Variants in RPL13A observed in about 807,000 individuals in gnomAD.
RPL13A encodes the protein large ribosomal subunit protein uL13.
In RPL13A, 4 loss-of-function variants were observed where a neutral mutation model predicts 30.8. The observed-to-expected ratio is 0.13, with a 90% CI of 0.06 to 0.30. The LOEUF (loss-of-function observed/expected upper bound fraction) is 0.30, where lower values mean the gene tolerates loss of function less well. Among genes scored for constraint, RPL13A ranks in the 10% least tolerant of loss-of-function variants. The pLI, the probability that RPL13A is intolerant of heterozygous loss-of-function variation, is 1.00. For missense variants in RPL13A, 196 were observed against 272.6 expected (o/e 0.72, Z 1.98); for synonymous variants, 108 against 104.2 (o/e 1.04, Z -0.22).
chr19:49,491,805 T>A lies in RPL13A; in HGVS notation c.602T>A (p.Leu201His), dbSNP rs139084149. ...KYTEVLKTHG[L>H]LV ...ACAGAGGTCCTCAAGACCCACGGAC[T>A]CCTGGTCTGAGCCCAATAAAGACTG... The change falls in exon 8 of 8, where the codon CTC (leucine) becomes CAC (histidine). Residue 201 changes from leucine (L) to histidine (H), a missense_variant. Transcript: ENST00000391857. 59 of 1,606,668 alleles carry A rather than the reference T, an allele frequency of 3.7e-5. No individual in the cohort carries two copies. Among genetic ancestry groups the A allele is most frequent in the Non-Finnish European group, 4.8e-5 (56 of 1,176,378 alleles).
chr19:49,491,000 G>C, intron 5 of RPL13A, 40 bp from the exon 6 acceptor site: 1 of 1,613,432 alleles, frequency 6.2e-7, no homozygotes, highest in Non-Finnish European at 8.5e-7. Flanking sequence ...TTCCCTGTCT[G>C]TCCCTCCCGG....
intron 1 of RPL13A, 126 bp downstream of exon 1, chr19:49,487,770 CT>C: frequency 9.7e-7 from 1 of 1,027,790 alleles, no homozygotes; most frequent in Non-Finnish European, 1.4e-6. Flanking sequence ...AAATGGAAGT[CT>C]TTTGGGATAA....
Position 49,491,113 on chromosome 19 carries a change from T to TA in RPL13A, c.402+15dup, listed in dbSNP as rs1424667329. On this transcript the variant is annotated intron_variant, in intron 6 of 7. Transcript: ENST00000391857. The stretch of plus-strand genomic sequence containing the variant: ...CCTACAAGAAAGGTGAGTCCCAGCT[T>TA]ACGCTGCACCATCTACTTGGGAGAT... The TA allele has an allele frequency of 5.0e-6, 8 of 1,613,924 alleles. No homozygotes were observed. The African/African-American group carries it at 5.3e-5, about 11-fold the overall frequency.
intron 1 of RPL13A, among the ~76,000 whole-genome samples, chr19:49,488,236 G>A (rs2079828150): frequency 6.6e-6 from 1 of 152,134 alleles, no homozygotes; most frequent in Non-Finnish European, 1.5e-5. Flanking sequence ...ATTGGCGATT[G>A]TCCTGAGGCG....
intron 1 of RPL13A, among the ~76,000 whole-genome samples, chr19:49,488,252 C>A (rs2079828240): frequency 6.6e-6 from 1 of 152,144 alleles, no homozygotes; most frequent in South Asian, 2.1e-4. Flanking sequence ...AGGCGTGTTA[C>A]TGGAAGTCGA....
intron 1 of RPL13A, among the ~76,000 whole-genome samples, chr19:49,488,467 C>T (rs1306831353): frequency 6.6e-6 from 1 of 152,234 alleles, no homozygotes. Flanking sequence ...AAGCATGTGT[C>T]TTTGTGCCTA....
chr19:49,491,400 T>TCCCCCC (rs1555806959), intron 6 of RPL13A, 25 bp from the exon 7 acceptor site: 27 of 977,634 alleles, frequency 2.8e-5, no homozygotes, highest in South Asian at 1.2e-4. Context: ...CTTCATTTGT[T>TCCCCCC]CACCCCCCCC....
chr19:49,489,055 C>A (rs904959823), intron 1 of RPL13A, among the ~76,000 whole-genome samples: 1 of 152,190 alleles, frequency 6.6e-6, no homozygotes, highest in Non-Finnish European at 1.5e-5. Flanking sequence ...AGCAGTTTAC[C>A]GGGGAAAGCA....
intron 2 of RPL13A, 57 bp from the exon 3 acceptor site, chr19:49,490,175 A>C (rs1401169657): frequency 1.3e-6 from 2 of 1,513,456 alleles, no homozygotes; most frequent in African/African-American, 2.7e-5. Context: ...GTGACTGCAT[A>C]GGCAGTGGTG....
rs1351371491 is a variant in RPL13A, at chr19:49,491,567, C to G, written c.525+20C>G. 1.9e-6 allele frequency: 3 copies of G among 1,552,864 alleles called. No homozygotes were observed. The highest frequency in any genetic ancestry group is 1.9e-5 in the Admixed American group (1 of 52,064). On this transcript the variant is annotated intron_variant, in intron 7 of 7. Transcript: ENST00000391857. ...CTCATGGTGAGGCCAGGGGCTGGTG[C>G]TGAGGGGGGCATCTCACTCCTGGAC... is the stretch of plus-strand genomic sequence containing the variant.
intron 6 of RPL13A, 133 bp downstream of exon 6, chr19:49,491,232 A>G (rs1193895851): frequency 8.0e-7 from 1 of 1,252,642 alleles, no homozygotes; most frequent in African/African-American, 1.5e-5. Context: ...GAATGGCGAC[A>G]ATGCCAATGG....
Position 49,491,842 on chromosome 19 carries a change from T to G in RPL13A, c.*27T>G. 1 of 1,542,620 alleles carries G rather than the reference T, an allele frequency of 6.5e-7. No individual in the cohort carries two copies. The highest frequency in any genetic ancestry group is 1.3e-5 in the African/African-American group (1 of 74,096). On this transcript the variant is annotated 3_prime_UTR_variant, in exon 8 of 8. Coordinates refer to ENST00000391857, the MANE Select transcript of RPL13A (RefSeq NM_012423.4). ...CCCAATAAAGACTGTTAATTCCTCA[T>G]GCGTTGCCTGCCCTTCCTCCATTGT...
At chr19:49,488,166 G>A (rs1044908493) in intron 1 of RPL13A, among the ~76,000 whole-genome samples, 1 of 152,174 alleles carries the variant, frequency 6.6e-6, no homozygotes, top group Admixed American at 6.6e-5. Context: ...TTCTGCGGGG[G>A]GTCGAGAGCT....
intron 2 of RPL13A, 41 bp from the exon 3 acceptor site, chr19:49,490,191 C>T (rs765432618): frequency 6.9e-6 from 11 of 1,599,186 alleles, no homozygotes; most frequent in East Asian, 6.7e-5. Flanking sequence ...TGGTGGGACC[C>T]TCAGGCGGCT....
intron 1 of RPL13A, 28 bp downstream of exon 1, chr19:49,487,672 C>A: frequency 6.6e-7 from 1 of 1,517,096 alleles, no homozygotes; most frequent in Non-Finnish European, 8.8e-7. Context: ...GCCGGGGCGG[C>A]AAGGGGCCGG....
In RPL13A at chr19:49,490,884, A is replaced by G. The variant is rs2079860048; in HGVS notation, c.342+20A>G. 2.5e-6 allele frequency: 4 copies of G among 1,613,748 alleles called. No individual in the cohort carries two copies. In the South Asian group the frequency reaches 4.4e-5, roughly 18 times the overall value. On this transcript the variant is annotated intron_variant, in intron 5 of 7. Coordinates refer to ENST00000391857, the MANE Select transcript of RPL13A (RefSeq NM_012423.4). Reference sequence around the variant, plus strand: ...GACAAGGTGAGCTATGCCAAACCCCACAGGCAGCGGCCTTACCTGTGGCGT... The same window carrying G: ...GACAAGGTGAGCTATGCCAAACCCCGCAGGCAGCGGCCTTACCTGTGGCGT...
chr19:49,489,810 T>C (rs1034322137), intron 1 of RPL13A, 40 bp from the exon 2 acceptor site: 2 of 1,495,166 alleles, frequency 1.3e-6, no homozygotes, highest in Admixed American at 3.4e-5. Flanking sequence ...AATCAAAGGC[T>C]GTCCTTGTCT....
intron 1 of RPL13A, 26 bp downstream of exon 1, chr19:49,487,670 G>T (rs1271192029): frequency 1.3e-6 from 2 of 1,519,740 alleles, no homozygotes; most frequent in East Asian, 2.5e-5. Context: ...GGGCCGGGGC[G>T]GCAAGGGGCC....
At chr19:49,487,772 T>C (rs1312352608) in intron 1 of RPL13A, 128 bp downstream of exon 1, 1 of 1,024,988 alleles carries the variant, frequency 9.8e-7, no homozygotes, top group Non-Finnish European at 1.4e-6. Context: ...ATGGAAGTCT[T>C]TTGGGATAAG....
Sources: gnomAD v4.1 joint callset for allele counts (sites outside exome capture counted in the v4.1 genomes callset) on GRCh38, gnomAD v4.1.1 for gene constraint, MANE v1.5 for transcripts, NCBI Gene and HGNC (gene_info 2026-07-23, HGNC 2026-07-21) for gene names.